The following LRRFIP2 variants were observed in gnomAD, a reference collection of about 807,000 sequenced individuals.
The protein encoded by LRRFIP2 is leucine-rich repeat flightless-interacting protein 2.
Under a neutral mutation model 125.9 loss-of-function variants are expected in LRRFIP2, and 109 were observed. The observed-to-expected ratio is 0.87, with a 90% CI of 0.74 to 1.01. The LOEUF is 1.01. Ranked by LOEUF, LRRFIP2 falls within the 50% of genes least tolerant of loss-of-function variation. The pLI is 0.00. For synonymous variants in LRRFIP2, 291 were observed against 293.1 expected, an observed-to-expected ratio of 0.99 and a Z score of 0.07; for missense variants, 850 against 862.3, an observed-to-expected ratio of 0.99 and a Z score of 0.18.
intron 1 of LRRFIP2, among the ~76,000 whole-genome samples, chr3:37,171,552 A>T (rs1232597849): frequency 6.6e-6 from 1 of 152,034 alleles, no homozygotes. Context: ...AGCCTCCTTT[A>T]TTCTGTTTAC....
chr3:37,105,921 C>T (rs944088108), intron 13 of LRRFIP2, among the ~76,000 whole-genome samples: 8 of 151,992 alleles, frequency 5.3e-5, no homozygotes, highest in East Asian at 1.9e-4. Flanking sequence ...AAAAATTAGC[C>T]GGGTATGGTG....
chr3:37,116,998 T>C (rs757629280), intron 6 of LRRFIP2, among the ~76,000 whole-genome samples: 1 of 152,026 alleles, frequency 6.6e-6, no homozygotes, highest in Non-Finnish European at 1.5e-5. Flanking sequence ...TTTTCTAAAA[T>C]GCGTAATAGT....
intron 2 of LRRFIP2, among the ~76,000 whole-genome samples, chr3:37,135,829 C>A (rs1418055804): frequency 2.0e-5 from 3 of 152,176 alleles, no homozygotes; most frequent in African/African-American, 4.8e-5. Flanking sequence ...GAAATTAGAA[C>A]CCTCATATAT....
chr3:37,149,771 T>A (rs1577542402), intron 1 of LRRFIP2, among the ~76,000 whole-genome samples: 1 of 151,022 alleles, frequency 6.6e-6, no homozygotes, highest in Non-Finnish European at 1.5e-5. Context: ...GAGGCTGAGG[T>A]GGGCAGATCA....
At chr3:37,100,407 TATATAC>T (rs1011125711) in intron 15 of LRRFIP2, among the ~76,000 whole-genome samples, 4 of 150,352 alleles carry the variant, frequency 2.7e-5, no homozygotes, top group African/African-American at 7.3e-5. Flanking sequence ...TGTGTATGTA[TATATAC>T]ATATACATAC....
intron 4 of LRRFIP2, among the ~76,000 whole-genome samples, chr3:37,127,372 A>G (rs1177994105): frequency 6.6e-6 from 1 of 152,202 alleles, no homozygotes; most frequent in Non-Finnish European, 1.5e-5. Context: ...ACCCATAAAA[A>G]GAAAACACAC....
chr3:37,077,662 C>T (rs1044351714), intron 19 of LRRFIP2, among the ~76,000 whole-genome samples: 1 of 152,140 alleles, frequency 6.6e-6, no homozygotes, highest in East Asian at 1.9e-4. Flanking sequence ...TCTTTGTTAA[C>T]GTGACTCCAG....
At chr3:37,148,832 A>C (rs2095929706) in intron 2 of LRRFIP2, 62 bp downstream of exon 2, 1 of 1,590,258 alleles carries the variant, frequency 6.3e-7, no homozygotes, top group South Asian at 1.1e-5. Flanking sequence ...ATCTCTGTCA[A>C]ATCGGCATTT....
chr3:37,126,374 G>T (rs1402323831), intron 4 of LRRFIP2, among the ~76,000 whole-genome samples: 1 of 152,114 alleles, frequency 6.6e-6, no homozygotes, highest in Admixed American at 6.5e-5. Flanking sequence ...GTCAGAACGG[G>T]TTAGAAGTGA....
At chr3:37,071,369 G>A (rs1009788899) in intron 21 of LRRFIP2, among the ~76,000 whole-genome samples, 3 of 152,118 alleles carry the variant, frequency 2.0e-5, no homozygotes, top group Non-Finnish European at 4.4e-5. Context: ...TGCATGCTCT[G>A]CAAATTTTAA....
At chr3:37,128,483 A>C (rs2095344833) in intron 3 of LRRFIP2, among the ~76,000 whole-genome samples, 1 of 152,196 alleles carries the variant, frequency 6.6e-6, no homozygotes, top group South Asian at 2.1e-4. Context: ...ATTATAGAAA[A>C]GTATAGAAAG....
chr3:37,148,978 C>A lies in LRRFIP2; in HGVS notation c.6G>T (p.Gly2=). ...TTCTTTTCCTTCCAGAAGCAGGAGTCCCCATCTTGTGTTCTTAATAGTCTT... is the reference window on the plus strand; with the variant it reads ...TTCTTTTCCTTCCAGAAGCAGGAGTACCCATCTTGTGTTCTTAATAGTCTT... M[G]TPASGRKRTP... The change falls in exon 2 of 28, where the codon GGG becomes GGT. Residue 2 remains glycine (G), a synonymous_variant. Transcript: ENST00000336686. 6.2e-7 allele frequency: 1 copy of A among 1,613,864 alleles called. No homozygotes were observed. Among genetic ancestry groups the A allele is most frequent in the South Asian group, 1.1e-5 (1 of 91,066 alleles).
At position 37,060,240 on chromosome 3, in the gene LRRFIP2, C is replaced by T. The variant is rs1185018097; in HGVS notation, c.1750-1330G>A. On this transcript the variant is annotated intron_variant, in intron 24 of 27. Transcript: ENST00000336686. This position sits in a 1 kb window ranked among gnomAD's most constrained non-coding sequence, Gnocchi z 4.1. Reference sequence around the variant, plus strand: ...TTTCTGAGCATCCCCCCTTTACCCTCGTGCTCTGATAACCCTCTCCTGCTG... The same window carrying T: ...TTTCTGAGCATCCCCCCTTTACCCTTGTGCTCTGATAACCCTCTCCTGCTG... Among the ~76,000 whole-genome samples the T allele has an allele frequency of 6.6e-6, 1 of 152,168 alleles. No individual in the cohort carries two copies. The highest frequency in any genetic ancestry group is 1.5e-5 in the Non-Finnish European group (1 of 68,024).
At chr3:37,125,128 C>T (rs1381598386) in intron 4 of LRRFIP2, among the ~76,000 whole-genome samples, 1 of 151,968 alleles carries the variant, frequency 6.6e-6, no homozygotes, top group East Asian at 1.9e-4. Flanking sequence ...TGTTTTTAAA[C>T]GTTCACCTGA....
chr3:37,158,827 T>G (rs2096265393), intron 1 of LRRFIP2, among the ~76,000 whole-genome samples: 1 of 152,176 alleles, frequency 6.6e-6, no homozygotes, highest in African/African-American at 2.4e-5. Context: ...AAGTAAAACC[T>G]ATCACATACC....
intron 8 of LRRFIP2, 57 bp downstream of exon 8, chr3:37,112,858 T>A (rs1481666141): frequency 2.5e-5 from 24 of 960,214 alleles, no homozygotes; most frequent in Non-Finnish European, 3.5e-5. Context: ...GCAATCATAA[T>A]CCTTAAGTTC....
chr3:37,162,068 A>T (rs909224393), intron 1 of LRRFIP2, among the ~76,000 whole-genome samples: 1 of 147,288 alleles, frequency 6.8e-6, no homozygotes, highest in Non-Finnish European at 1.5e-5. Flanking sequence ...AGGCAGGAGC[A>T]TCGCTTGAGC....
At chr3:37,111,348 C>A (rs989215348) in intron 8 of LRRFIP2, among the ~76,000 whole-genome samples, 1 of 152,106 alleles carries the variant, frequency 6.6e-6, no homozygotes, top group African/African-American at 2.4e-5. Flanking sequence ...TTAAGAAAGT[C>A]CTTGAACACT....
At chr3:37,067,509 A>G (rs2090379269) in intron 21 of LRRFIP2, 1 of 152,200 alleles carries the variant, frequency 6.6e-6, no homozygotes, top group South Asian at 2.1e-4. Context: ...ATATCAGGTA[A>G]CTTTCCTCTC....
Sources: gnomAD v4.1 joint callset for allele counts (sites outside exome capture counted in the v4.1 genomes callset) on GRCh38, gnomAD v4.1.1 for gene constraint, Gnocchi (gnomAD v3.1) non-coding constraint, MANE v1.5 for transcripts, NCBI Gene and HGNC (gene_info 2026-07-23, HGNC 2026-07-21) for gene names.